The following GAD1 variants were observed in gnomAD, a reference collection of about 807,000 sequenced individuals.
The protein encoded by GAD1 is glutamate decarboxylase 1.
A neutral mutation model predicts 75.2 loss-of-function variants in GAD1; 35 were observed. That is an observed-to-expected ratio of 0.47 (90% confidence interval 0.36 to 0.62). GAD1 has a LOEUF of 0.62. Among genes scored for constraint, GAD1 ranks in the 20% least tolerant of loss-of-function variants. The pLI is 0.00. For missense variants in GAD1, 490 were observed against 758.5 expected (o/e 0.65, Z 4.16); for synonymous variants, 257 against 271.9 (o/e 0.95, Z 0.54).
intron 3 of GAD1, among the ~76,000 whole-genome samples, chr2:170,822,663 C>A (rs564266841): frequency 1.3e-5 from 2 of 152,372 alleles, no homozygotes; most frequent in South Asian, 4.1e-4. Flanking sequence ...CCCGCGCAGT[C>A]GGGTCGCATT....
At chr2:170,823,497 A>T (rs796783037) in intron 3 of GAD1, among the ~76,000 whole-genome samples, 116 of 152,172 alleles carry the variant, frequency 7.6e-4, no homozygotes, top group African/African-American at 2.7e-3. Context: ...GCCATTTTCC[A>T]CCGAAAGCCC....
At chr2:170,856,344 A>G (rs964420996) in intron 14 of GAD1, among the ~76,000 whole-genome samples, 4 of 152,220 alleles carry the variant, frequency 2.6e-5, no homozygotes, top group African/African-American at 7.2e-5. Flanking sequence ...TGGCTTCCCC[A>G]TCTACCTGCC....
chr2:170,849,012 C>T (rs1702696281), intron 11 of GAD1: 3 of 513,534 alleles, frequency 5.8e-6, no homozygotes, highest in Non-Finnish European at 1.1e-5. Flanking sequence ...GCCATTGGAC[C>T]TTTGGGTCTT....
rs772431542 is a variant in GAD1, at chr2:170,845,516, A to G, written c.762A>G (p.Ile254Met). 1 of 1,613,646 alleles carries G rather than the reference A, an allele frequency of 6.2e-7. No individual in the cohort carries two copies. Among genetic ancestry groups the G allele is most frequent in the South Asian group, 1.1e-5 (1 of 91,044 alleles). The change falls in exon 8 of 17, where the codon ATA (isoleucine) becomes ATG (methionine). Residue 254 changes from isoleucine (I) to methionine (M), a missense_variant. Ile to Met is a conservative substitution (Grantham distance 10, BLOSUM62 1). Around this residue, in one of 3 missense-constraint regions of GAD1, gnomAD observed 324 missense variants for 523.9 expected, o/e 0.62. Coordinates refer to ENST00000358196, the MANE Select transcript of GAD1 (RefSeq NM_000817.3). ...TCCGCTTGCTGACAGGGGGCGCCAT[A>G]TCCAACATGTACAGCATCATGGCTG... Reference protein sequence around the residue: ...GDGIFSPGGAISNMYSIMAAR... With the variant: ...GDGIFSPGGAMSNMYSIMAAR...
chr2:170,860,195 T>C lies in GAD1; in HGVS notation c.*313T>C, dbSNP rs1702935836. ...GTTTCCCGCTCCAAGAGAATTCACT[T>C]TACCTTCAGCAGTTACCGAGGAGCT... On this transcript the variant is annotated 3_prime_UTR_variant, in exon 17 of 17. Transcript: ENST00000358196. 1 of 283,984 alleles carries C rather than the reference T, an allele frequency of 3.5e-6. No individual in the cohort carries two copies. The highest frequency in any genetic ancestry group is 6.8e-6 in the Non-Finnish European group (1 of 147,354). 17.6% of individuals were successfully genotyped at this position (283,984 alleles called of 1,614,324 possible). A position where few individuals can be genotyped will look rare whatever the true frequency, so the allele number is the denominator to read the frequency against.
At chr2:170,842,719 G>T (rs1702543883) in intron 6 of GAD1, 1 of 1,595,124 alleles carries the variant, frequency 6.3e-7, no homozygotes, top group African/African-American at 1.4e-5. Context: ...CAAGGAAAAT[G>T]GACATATTCT....
upstream of GAD1, among the ~76,000 whole-genome samples, chr2:170,814,806 C>T (rs190557550): frequency 2.9e-3 from 440 of 152,304 alleles, 1 homozygote; most frequent in Non-Finnish European, 5.0e-3. Context: ...GAGATTCCTT[C>T]TCCAACGAGA....
intron 2 of GAD1, among the ~76,000 whole-genome samples, chr2:170,821,242 C>T (rs41393845): frequency 0.022 from 3,368 of 152,294 alleles, 137 homozygotes; most frequent in Admixed American, 0.1. Context: ...GGGGCTGCTT[C>T]CCACGCTTCT....
chr2:170,814,573 T>C (rs895238720), upstream of GAD1, among the ~76,000 whole-genome samples: 6 of 152,160 alleles, frequency 3.9e-5, no homozygotes, highest in Non-Finnish European at 8.8e-5. Flanking sequence ...CAGGATAATA[T>C]AAACCGCAGG....
rs960740680 is a variant in GAD1, at chr2:170,818,451, G to A, written c.-63-78G>A. 12 of 786,348 alleles carry A rather than the reference G, an allele frequency of 1.5e-5. No individual in the cohort carries two copies. The highest frequency in any genetic ancestry group is 2.5e-5 in the Non-Finnish European group (11 of 438,990). 48.7% of individuals were successfully genotyped at this position (786,348 alleles called of 1,614,324 possible). A position where few individuals can be genotyped will look rare whatever the true frequency, so the allele number is the denominator to read the frequency against. On this transcript the variant is annotated intron_variant, in intron 1 of 16. Coordinates refer to ENST00000358196, the MANE Select transcript of GAD1 (RefSeq NM_000817.3). The surrounding 1 kb of genome is among the most constrained non-coding windows in gnomAD (Gnocchi z 5.9). ...AGCCGGATCTTCAAGGGGAGCCTCCGTGCCCCCGGCTGCTCAGTCCCTCCG... is the reference window on the plus strand; with the variant it reads ...AGCCGGATCTTCAAGGGGAGCCTCCATGCCCCCGGCTGCTCAGTCCCTCCG...
At chr2:170,831,705 ATAAT>A (rs1702233435) in intron 5 of GAD1, among the ~76,000 whole-genome samples, 3 of 143,452 alleles carry the variant, frequency 2.1e-5, no homozygotes, top group South Asian at 2.1e-4. Context: ...ATAATTATAA[ATAAT>A]AAAATTTAAA....
intron 12 of GAD1, among the ~76,000 whole-genome samples, chr2:170,851,895 A>G (rs1702749781): frequency 6.6e-6 from 1 of 152,228 alleles, no homozygotes; most frequent in Non-Finnish European, 1.5e-5. Flanking sequence ...TTTAGCATTT[A>G]AATAATTCTG....
At chr2:170,859,110 C>T (rs1702910773) in intron 16 of GAD1, among the ~76,000 whole-genome samples, 2 of 152,154 alleles carry the variant, frequency 1.3e-5, no homozygotes, top group South Asian at 4.1e-4. Context: ...CTAAAGGATG[C>T]ATCTTGTCTC....
intron 3 of GAD1, 190 bp from the exon 4 acceptor site, chr2:170,829,285 A>G (rs1239939505): frequency 1.6e-6 from 1 of 629,600 alleles, no homozygotes; most frequent in African/African-American, 1.8e-5. Flanking sequence ...GCCACTGATG[A>G]CATTTGGCAC....
chr2:170,851,064 T>C (rs1011530801), intron 12 of GAD1, among the ~76,000 whole-genome samples: 2 of 152,096 alleles, frequency 1.3e-5, no homozygotes, highest in Non-Finnish European at 2.9e-5. Context: ...CCAATTTAAC[T>C]TTAGATTTCT....
intron 3 of GAD1, among the ~76,000 whole-genome samples, chr2:170,824,712 A>C (rs897555841): frequency 6.6e-6 from 1 of 152,208 alleles, no homozygotes; most frequent in Admixed American, 6.5e-5. Context: ...TGGAGGCAGA[A>C]TCCCCCAGGG....
chr2:170,852,653 A>G, intron 12 of GAD1, 61 bp from the exon 13 acceptor site: 3 of 1,426,204 alleles, frequency 2.1e-6, no homozygotes, highest in Non-Finnish European at 3.0e-6. Context: ...GTTTTCCTCA[A>G]GAGAACAGTT....
chr2:170,835,613 C>T (rs1053105296), intron 5 of GAD1, among the ~76,000 whole-genome samples: 17 of 152,190 alleles, frequency 1.1e-4, no homozygotes, highest in Non-Finnish European at 1.8e-4. Context: ...GTGTTAATCT[C>T]TCTGTCTTTG....
chr2:170,857,195 C>T (rs2105813727), intron 15 of GAD1, 70 bp downstream of exon 15: 1 of 1,225,408 alleles, frequency 8.2e-7, no homozygotes, highest in Non-Finnish European at 1.2e-6. Flanking sequence ...CCTGAAGCTT[C>T]TGGCAACATG....
Sources: allele counts gnomAD v4.1 joint callset (sites outside exome capture counted in the v4.1 genomes callset), GRCh38; gene constraint gnomAD v4.1.1; regional missense constraint gnomAD v4.1.1; non-coding constraint Gnocchi (gnomAD v3.1); transcripts MANE v1.5; gene names NCBI Gene and HGNC (gene_info 2026-07-23, HGNC 2026-07-21).